Variants in DNAH14 observed in about 807,000 individuals in gnomAD.
DNAH14 encodes axonemal beta dynein heavy chain 14.
Under a neutral mutation model 520.9 loss-of-function variants are expected in DNAH14, and 478 were observed. The observed-to-expected ratio is 0.92, with a 90% CI of 0.85 to 0.99. The LOEUF (loss-of-function observed/expected upper bound fraction) is 0.99, where lower values mean the gene tolerates loss of function less well. Among genes scored for constraint, DNAH14 ranks in the 50% least tolerant of loss-of-function variants. The pLI, the probability that DNAH14 is intolerant of heterozygous loss-of-function variation, is 0.00. For missense variants in DNAH14, 4,831 were observed against 5,234.5 expected (o/e 0.92, Z 2.38); for synonymous variants, 1,581 against 1,757.2 (o/e 0.90, Z 2.51).
At chr1:225,234,870 G>A (rs1054369127) in intron 42 of DNAH14, among the ~76,000 whole-genome samples, 9 of 152,134 alleles carry the variant, frequency 5.9e-5, no homozygotes, top group Non-Finnish European at 1.2e-4. Context: ...GTATAAGAAT[G>A]CTAGTGACTT....
intron 9 of DNAH14, among the ~76,000 whole-genome samples, chr1:225,006,798 T>C (rs2064206025): frequency 6.6e-6 from 1 of 152,186 alleles, no homozygotes; most frequent in Non-Finnish European, 1.5e-5. Context: ...TTTTGAAGCA[T>C]GTGATCTCTG....
At position 225,119,289 on chromosome 1, in the gene DNAH14, A is replaced by G; in HGVS notation, c.4161A>G (p.Leu1387=). The stretch of plus-strand genomic sequence containing the variant: ...TAGAAAAAAGCATGTTCGATGTGCT[A>G]AAAAAGTAAGTACAATTTTCAAATC... ...VNVEKSMFDV[L]KKFLSQGIED... The change falls in exon 26 of 86, where the codon CTA becomes CTG. Residue 1387 remains leucine, a synonymous_variant. Transcript: ENST00000682510. The G allele has an allele frequency of 6.6e-7, 1 of 1,516,236 alleles. No individual in the cohort carries two copies. The highest frequency in any genetic ancestry group is 8.9e-7 in the Non-Finnish European group (1 of 1,129,434). 93.9% of individuals were successfully genotyped at this position (1,516,236 alleles called of 1,614,324 possible).
intron 75 of DNAH14, among the ~76,000 whole-genome samples, chr1:225,362,087 G>A (rs746421671): frequency 2.8e-4 from 42 of 152,140 alleles, no homozygotes; most frequent in Non-Finnish European, 5.6e-4. Flanking sequence ...GACACACCAC[G>A]GACCAGGCAA....
At chr1:225,335,874 T>TAC (rs2095011920) in intron 66 of DNAH14, among the ~76,000 whole-genome samples, 1 of 36,308 alleles carries the variant, frequency 2.8e-5, no homozygotes, top group Admixed American at 2.5e-4. Context: ...TACATACACA[T>TAC]ATACATATAT....
At chr1:225,208,628 T>G (rs1397401330) in intron 41 of DNAH14, among the ~76,000 whole-genome samples, 1 of 152,124 alleles carries the variant, frequency 6.6e-6, no homozygotes, top group African/African-American at 2.4e-5. Context: ...AGGAAATAAT[T>G]GCCTAGGAGT....
intron 27 of DNAH14, among the ~76,000 whole-genome samples, chr1:225,136,152 A>G (rs780919828): frequency 1.3e-5 from 2 of 152,134 alleles, no homozygotes; most frequent in Non-Finnish European, 2.9e-5. Context: ...TAGCCTATTT[A>G]CATTTAAGGT....
intron 54 of DNAH14, among the ~76,000 whole-genome samples, chr1:225,280,617 A>T (rs1336180743): frequency 6.6e-6 from 1 of 152,066 alleles, no homozygotes; most frequent in East Asian, 1.9e-4. Flanking sequence ...AAAGAAAGAA[A>T]AAAAGAAGTT....
intron 36 of DNAH14, among the ~76,000 whole-genome samples, chr1:225,174,129 G>A (rs1040195850): frequency 6.6e-6 from 1 of 152,086 alleles, no homozygotes; most frequent in African/African-American, 2.4e-5. Context: ...GGGGAGAGGG[G>A]AGGGATAGCA....
intron 23 of DNAH14, among the ~76,000 whole-genome samples, chr1:225,113,825 T>G (rs934014464): frequency 1.3e-5 from 2 of 152,070 alleles, no homozygotes; most frequent in Non-Finnish European, 2.9e-5. Flanking sequence ...CAAGGGCTCT[T>G]TAGTTACTTT....
intron 8 of DNAH14, among the ~76,000 whole-genome samples, chr1:225,001,183 G>C (rs947276755): frequency 2.6e-5 from 4 of 151,728 alleles, no homozygotes; most frequent in Non-Finnish European, 5.9e-5. Flanking sequence ...GATATATTGG[G>C]CAAAAAGGAA....
At chr1:225,247,190 C>T (rs530972567) in intron 43 of DNAH14, among the ~76,000 whole-genome samples, 2 of 151,940 alleles carry the variant, frequency 1.3e-5, no homozygotes, top group South Asian at 4.2e-4. Context: ...AACAAATGGA[C>T]ACAGAGAGGG....
At chr1:225,060,591 T>A (rs1006588911) in intron 17 of DNAH14, among the ~76,000 whole-genome samples, 1 of 152,048 alleles carries the variant, frequency 6.6e-6, no homozygotes, top group Admixed American at 6.6e-5. Flanking sequence ...CAAGGCACTC[T>A]GATTTTTAGA....
At chr1:225,205,941 C>T in intron 39 of DNAH14, 30 bp from the exon 40 acceptor site, 1 of 1,498,074 alleles carries the variant, frequency 6.7e-7, no homozygotes, top group South Asian at 1.2e-5. Context: ...ACATTAGTCT[C>T]AGTTACATTA....
At chr1:225,066,987 G>A (rs2148462175) in intron 17 of DNAH14, among the ~76,000 whole-genome samples, 1 of 152,180 alleles carries the variant, frequency 6.6e-6, no homozygotes, top group South Asian at 2.1e-4. Context: ...TTACTTTTAA[G>A]TTCAGGGGAA....
chr1:225,165,782 GC>G (rs1396052932), intron 35 of DNAH14, among the ~76,000 whole-genome samples: 6 of 151,768 alleles, frequency 4.0e-5, no homozygotes, highest in Non-Finnish European at 8.8e-5. Flanking sequence ...ACAAGGTTTT[GC>G]CGTGTTGCTC....
At chr1:225,134,469 A>G (rs1278978004) in intron 27 of DNAH14, among the ~76,000 whole-genome samples, 1 of 152,166 alleles carries the variant, frequency 6.6e-6, no homozygotes, top group African/African-American at 2.4e-5. Context: ...CCTTTTCTGT[A>G]TCTATTGAGA....
intron 8 of DNAH14, among the ~76,000 whole-genome samples, chr1:225,000,187 G>A (rs2063660930): frequency 6.6e-6 from 1 of 152,122 alleles, no homozygotes; most frequent in South Asian, 2.1e-4. Context: ...AGGATTCTGG[G>A]TTGACAGTTC....
chr1:225,274,260 T>A (rs895716163), intron 52 of DNAH14, among the ~76,000 whole-genome samples: 1 of 141,178 alleles, frequency 7.1e-6, no homozygotes, highest in South Asian at 2.4e-4. Context: ...GCGGGAGTGC[T>A]GTGGCGCGAT....
intron 11 of DNAH14, among the ~76,000 whole-genome samples, chr1:225,030,940 C>A (rs1202317400): frequency 6.6e-6 from 1 of 151,934 alleles, no homozygotes; most frequent in African/African-American, 2.4e-5. Context: ...ATTGAGATTG[C>A]ATTGAATATA....
Sources: gnomAD v4.1 joint callset for allele counts (sites outside exome capture counted in the v4.1 genomes callset) on GRCh38, gnomAD v4.1.1 for gene constraint, MANE v1.5 for transcripts, NCBI Gene and HGNC (gene_info 2026-07-23, HGNC 2026-07-21) for gene names.